CPA6: variants seen among roughly 807,000 people sequenced by gnomAD.
CPA6 encodes the protein carboxypeptidase A6, also known as carboxypeptidase B.
In CPA6, 58 loss-of-function variants were observed where a neutral mutation model predicts 63.3. That is an observed-to-expected ratio of 0.92 (90% CI 0.74 to 1.14). The LOEUF (loss-of-function observed/expected upper bound fraction) is 1.14, where lower values mean the gene tolerates loss of function less well. CPA6 is among the 50% of genes most tolerant of loss of function. The pLI, the probability that CPA6 is intolerant of heterozygous loss-of-function variation, is 0.00. For missense variants in CPA6, 565 were observed against 526.6 expected, an observed-to-expected ratio of 1.07 and a Z score of -0.71; for synonymous variants, 185 against 179.0, an observed-to-expected ratio of 1.03 and a Z score of -0.27.
intron 6 of CPA6, among the ~76,000 whole-genome samples, chr8:67,502,616 T>G (rs1376743906): frequency 6.6e-6 from 1 of 152,244 alleles, no homozygotes; most frequent in Non-Finnish European, 1.5e-5. Context: ...ATACCTTTAG[T>G]GCTATACATT....
At chr8:67,586,985 A>C (rs1235574645) in intron 2 of CPA6, among the ~76,000 whole-genome samples, 2 of 152,230 alleles carry the variant, frequency 1.3e-5, no homozygotes. Context: ...TTTTGTGTGT[A>C]ATCTAGGCCA....
intron 2 of CPA6, among the ~76,000 whole-genome samples, chr8:67,540,464 C>T (rs1812681561): frequency 1.3e-5 from 2 of 152,182 alleles, no homozygotes; most frequent in Admixed American, 1.3e-4. Flanking sequence ...AGGTGTCTTC[C>T]AGTCAGGTGG....
intron 8 of CPA6, among the ~76,000 whole-genome samples, chr8:67,437,341 G>T (rs1356708876): frequency 6.6e-6 from 1 of 152,170 alleles, no homozygotes; most frequent in Non-Finnish European, 1.5e-5. Flanking sequence ...CTTGTAGCGA[G>T]CGGAGCTTGC....
chr8:67,520,987 G>A (rs1812247299), intron 2 of CPA6, among the ~76,000 whole-genome samples: 1 of 152,234 alleles, frequency 6.6e-6, no homozygotes, highest in Non-Finnish European at 1.5e-5. Context: ...CCCCCTGTGT[G>A]TAAGTTCCTA....
chr8:67,597,239 C>T (rs56116513), intron 2 of CPA6, among the ~76,000 whole-genome samples: 28,234 of 145,758 alleles, frequency 0.19, 3,158 homozygotes, highest in East Asian at 0.43. Flanking sequence ...CGCTCTGTTG[C>T]CCAGGCTGGA....
At chr8:67,736,890 T>C (rs1010638730) in intron 1 of CPA6, among the ~76,000 whole-genome samples, 3 of 152,350 alleles carry the variant, frequency 2.0e-5, no homozygotes, top group Non-Finnish European at 2.9e-5. Context: ...CTCTGTGAAA[T>C]AGTGGAAAAA....
chr8:67,484,543 G>GT, intron 7 of CPA6, 136 bp downstream of exon 7: 1 of 539,364 alleles, frequency 1.9e-6, no homozygotes, highest in East Asian at 3.1e-5. Context: ...TGGGGAAAGA[G>GT]TGAAGGCCTC....
At chr8:67,664,684 G>T (rs999660826) in intron 1 of CPA6, among the ~76,000 whole-genome samples, 3 of 152,066 alleles carry the variant, frequency 2.0e-5, no homozygotes, top group Admixed American at 6.6e-5. Context: ...GGTTGTTTGG[G>T]TGTGGATTTC....
chr8:67,643,931 T>C (rs1029513284), intron 1 of CPA6, among the ~76,000 whole-genome samples: 6 of 152,112 alleles, frequency 3.9e-5, no homozygotes, highest in Non-Finnish European at 7.4e-5. Flanking sequence ...CACTGGCTTG[T>C]TATAACAACG....
chr8:67,509,415 C>A, intron 5 of CPA6, 102 bp downstream of exon 5: 2 of 576,474 alleles, frequency 3.5e-6, no homozygotes, highest in South Asian at 4.8e-5. Context: ...AAATATGAGA[C>A]TCTATAAAAG....
chr8:67,496,848 G>C (rs908218012), intron 6 of CPA6, among the ~76,000 whole-genome samples: 1 of 151,702 alleles, frequency 6.6e-6, no homozygotes, highest in Admixed American at 6.6e-5. Flanking sequence ...CGTGAGCCAC[G>C]GTGCCTGGCC....
chr8:67,573,645 C>A (rs1015005281), intron 2 of CPA6, among the ~76,000 whole-genome samples: 1 of 151,962 alleles, frequency 6.6e-6, no homozygotes, highest in African/African-American at 2.4e-5. Context: ...GTAATCCCAG[C>A]ACTTTGGGAG....
chr8:67,609,367 T>G (rs1288044655), intron 2 of CPA6, among the ~76,000 whole-genome samples: 1 of 152,220 alleles, frequency 6.6e-6, no homozygotes, highest in Non-Finnish European at 1.5e-5. Flanking sequence ...GAGAATTAAC[T>G]TTTATGGCTC....
At chr8:67,648,336 C>T (rs896197215) in intron 1 of CPA6, among the ~76,000 whole-genome samples, 21 of 130,032 alleles carry the variant, frequency 1.6e-4, no homozygotes, top group Admixed American at 1.7e-4. Context: ...TTAGTATTTA[C>T]ATTTTCAGTC....
chr8:67,744,366 G>A (rs921065246), intron 1 of CPA6, among the ~76,000 whole-genome samples: 1 of 152,138 alleles, frequency 6.6e-6, no homozygotes, highest in Non-Finnish European at 1.5e-5. Context: ...TGAAAACAGA[G>A]AAGGTAATGA....
In CPA6 at chr8:67,429,075, T is replaced by A. The variant is rs1237481331; in HGVS notation, c.1042-944A>T. Among the ~76,000 whole-genome samples the A allele has an allele frequency of 2.0e-5, 3 of 152,156 alleles. No individual in the cohort carries two copies. In the South Asian group the frequency reaches 6.2e-4, roughly 32 times the overall value. ...GACTTCTCTTAATGCTATGTGCTTA[T>A]CCTCACTAGGAATGGAAACAACTTC... On this transcript the variant is annotated intron_variant, in intron 9 of 10. Transcript: ENST00000297770.
chr8:67,550,650 G>A (rs965391827), intron 2 of CPA6, among the ~76,000 whole-genome samples: 21 of 152,210 alleles, frequency 1.4e-4, no homozygotes, highest in African/African-American at 4.3e-4. Context: ...TTTATATTCC[G>A]ACCAGCTGGG....
At chr8:67,534,813 A>G (rs747984609) in intron 2 of CPA6, among the ~76,000 whole-genome samples, 1 of 152,028 alleles carries the variant, frequency 6.6e-6, no homozygotes, top group African/African-American at 2.4e-5. Context: ...GGTTTCCTGC[A>G]CCCATCAACC....
rs1815429503 is a variant in CPA6 at position 67,634,741 on chromosome 8, A to G, written c.117-10490T>C. Among the ~76,000 whole-genome samples the G allele has an allele frequency of 2.6e-5, 4 of 151,648 alleles. No homozygotes were observed. In the South Asian group the frequency reaches 6.2e-4, roughly 24 times the overall value. The stretch of plus-strand genomic sequence containing the variant: ...ATTTATGAAGGTTACATTATGTTCC[A>G]GGCACAGTGGTAGATGCCAGGGAGA... On this transcript the variant is annotated intron_variant, in intron 1 of 10. Coordinates refer to ENST00000297770, the MANE Select transcript of CPA6 (RefSeq NM_020361.5).
Sources: allele counts gnomAD v4.1 joint callset (sites outside exome capture counted in the v4.1 genomes callset), GRCh38; gene constraint gnomAD v4.1.1; transcripts MANE v1.5; gene names NCBI Gene and HGNC (gene_info 2026-07-23, HGNC 2026-07-21).